The following PLA2G7 variants were observed in gnomAD, a reference collection of about 807,000 sequenced individuals.
The protein encoded by PLA2G7 is platelet-activating factor acetylhydrolase.
Under a neutral mutation model 49.6 loss-of-function variants are expected in PLA2G7, and 63 were observed. The observed-to-expected ratio is 1.27, with a 90% CI of 1.04 to 1.57. The LOEUF is 1.57. PLA2G7 is among the 40% of genes most tolerant of loss of function. PLA2G7 has a pLI of 0.00. For synonymous variants in PLA2G7, 193 were observed against 169.9 expected, an observed-to-expected ratio of 1.14 and a Z score of -1.06; for missense variants, 596 against 521.2, an observed-to-expected ratio of 1.14 and a Z score of -1.40.
chr6:46,710,954 A>G (rs1440803045), intron 7 of PLA2G7, among the ~76,000 whole-genome samples: 2 of 152,134 alleles, frequency 1.3e-5, no homozygotes, highest in African/African-American at 4.8e-5. Flanking sequence ...ATGTGGGTGG[A>G]CTCAAACATA....
intron 11 of PLA2G7, among the ~76,000 whole-genome samples, 174 bp from the exon 12 acceptor site, chr6:46,704,870 GA>G (rs947133727): frequency 5.3e-5 from 8 of 152,174 alleles, no homozygotes; most frequent in African/African-American, 1.9e-4. Flanking sequence ...ATGCAAACGG[GA>G]TAGGAGTGAG....
chr6:46,729,631 G>C (rs1276924929), intron 1 of PLA2G7, among the ~76,000 whole-genome samples: 1 of 152,166 alleles, frequency 6.6e-6, no homozygotes, highest in East Asian at 1.9e-4. Flanking sequence ...ACCAGGATCT[G>C]AACCTAGACC....
chr6:46,712,104 T>A (rs531148643), intron 6 of PLA2G7, among the ~76,000 whole-genome samples, 165 bp downstream of exon 6: 6 of 152,322 alleles, frequency 3.9e-5, no homozygotes, highest in African/African-American at 1.4e-4. Flanking sequence ...TGCTTTTAAG[T>A]CTTTTAAGTC....
At chr6:46,728,904 T>C (rs776527589) in intron 1 of PLA2G7, among the ~76,000 whole-genome samples, 32 of 152,342 alleles carry the variant, frequency 2.1e-4, no homozygotes, top group Non-Finnish European at 4.0e-4. Flanking sequence ...CTGCCAAGGT[T>C]TGAATCTTGA....
intron 2 of PLA2G7, 127 bp from the exon 3 acceptor site, chr6:46,717,223 A>T: frequency 1.2e-6 from 1 of 835,758 alleles, no homozygotes. Context: ...TCAACCTAAC[A>T]AGTAAGATAT....
At chr6:46,722,946 A>G in intron 1 of PLA2G7, 21 bp from the exon 2 acceptor site, 1 of 997,466 alleles carries the variant, frequency 1.0e-6, no homozygotes, top group South Asian at 1.3e-5. Context: ...GATGATTAAA[A>G]GAAAAAAGAA....
intron 3 of PLA2G7, 55 bp downstream of exon 3, chr6:46,716,920 A>G: frequency 6.4e-7 from 1 of 1,571,200 alleles, no homozygotes. Flanking sequence ...CTAGTGGTCC[A>G]TAGCGACAGA....
At chr6:46,725,316 C>T (rs776919322) in intron 1 of PLA2G7, among the ~76,000 whole-genome samples, 83 of 151,584 alleles carry the variant, frequency 5.5e-4, no homozygotes, top group Admixed American at 2.4e-3. Flanking sequence ...ATTGCAACCT[C>T]TGCCTCCTGG....
At chr6:46,734,465 A>ACT (rs1765845641) in intron 1 of PLA2G7, among the ~76,000 whole-genome samples, 1 of 127,734 alleles carries the variant, frequency 7.8e-6, no homozygotes. Flanking sequence ...AGAGAGAGAG[A>ACT]GAGAGAGAGA....
At chr6:46,715,032 G>C (rs975010592) in intron 4 of PLA2G7, among the ~76,000 whole-genome samples, 7 of 152,136 alleles carry the variant, frequency 4.6e-5, no homozygotes, top group African/African-American at 1.7e-4. Context: ...ACCGCACCCG[G>C]CGTAAGTTCT....
intron 5 of PLA2G7, among the ~76,000 whole-genome samples, chr6:46,713,335 T>C (rs1765093913): frequency 6.6e-6 from 1 of 152,224 alleles, no homozygotes; most frequent in South Asian, 2.1e-4. Flanking sequence ...AAACTTTTTC[T>C]GTTGAAGGCC....
At chr6:46,723,287 G>C (rs1234266749) in intron 1 of PLA2G7, among the ~76,000 whole-genome samples, 1 of 152,064 alleles carries the variant, frequency 6.6e-6, no homozygotes, top group Non-Finnish European at 1.5e-5. Context: ...ATATCCATAG[G>C]TATGTCTAGC....
Position 46,712,265 on chromosome 6 carries a change from A to T in PLA2G7, c.539+4T>A. 6.3e-7 allele frequency: 1 copy of T among 1,589,042 alleles called. No homozygotes were observed. The highest frequency in any genetic ancestry group is 1.3e-5 in the African/African-American group (1 of 74,568). On this transcript the variant is annotated splice_donor_region_variant and intron_variant, in intron 6 of 11. Transcript: ENST00000274793. ...AAAGAGCCCAATTATATCAGGTAAC[A>T]TACCTGTGTTCTACAGCAGCAACTA...
chr6:46,711,472 A>T, intron 7 of PLA2G7, 24 bp downstream of exon 7: 1 of 1,612,774 alleles, frequency 6.2e-7, no homozygotes, highest in Non-Finnish European at 8.5e-7. Context: ...GTCACCAACC[A>T]CCTCTCCTTT....
chr6:46,723,518 C>T (rs1278258718), intron 1 of PLA2G7, among the ~76,000 whole-genome samples: 1 of 152,132 alleles, frequency 6.6e-6, no homozygotes, highest in Non-Finnish European at 1.5e-5. Context: ...TGCATAGATG[C>T]TTGTTGAATC....
chr6:46,704,474 TCTCTCACACACA>T lies in PLA2G7; in HGVS notation c.*74_*85del, dbSNP rs753324167. 2,939 of 60,316 alleles carry T rather than the reference TCTCTCACACACA, an allele frequency of 0.049. 6 individuals are homozygous for T. Among genetic ancestry groups the T allele is most frequent in the East Asian group, 0.062 (83 of 1,342 alleles). The allele number at this position is 60,316 out of a possible 1,614,324, so 3.7% of individuals were successfully genotyped here. A position where few individuals can be genotyped will look rare whatever the true frequency, so the allele number is the denominator to read the frequency against. On this transcript the variant is annotated 3_prime_UTR_variant, in exon 12 of 12. Transcript: ENST00000274793. ...CTCTCTCTCTCTCTCTCTCTCTCTCTCTCTCACACACACACACACACACACACACACACACAT... is the reference window on the plus strand; with the variant it reads ...CTCTCTCTCTCTCTCTCTCTCTCTCTCACACACACACACACACACACACAT...
intron 4 of PLA2G7, among the ~76,000 whole-genome samples, chr6:46,715,531 C>T (rs1765174614): frequency 6.6e-6 from 1 of 152,150 alleles, no homozygotes; most frequent in Non-Finnish European, 1.5e-5. Flanking sequence ...GAAATATTGT[C>T]TTCTTTCACT....
chr6:46,708,225 T>A (rs1764897519), intron 9 of PLA2G7, 64 bp from the exon 10 acceptor site: 3 of 1,222,376 alleles, frequency 2.5e-6, no homozygotes, highest in Non-Finnish European at 3.6e-6. Flanking sequence ...ATTGAGGACA[T>A]CCTAATAATG....
chr6:46,714,561 A>G lies in PLA2G7; in HGVS notation c.377-8T>C. The G allele has an allele frequency of 6.6e-7, 1 of 1,524,728 alleles. No homozygotes were observed. The highest frequency in any genetic ancestry group is 1.1e-5 in the South Asian group (1 of 89,310). The allele number at this position is 1,524,728 out of a possible 1,614,324, so 94.4% of individuals were successfully genotyped here. A position where few individuals can be genotyped will look rare whatever the true frequency, so the allele number is the denominator to read the frequency against. On this transcript the variant is annotated splice_polypyrimidine_tract_variant and splice_region_variant and intron_variant, in intron 4 of 11. Transcript: ENST00000274793. Reference sequence around the variant, plus strand: ...CAGGAGTTGTCATTGAACCTAGACAACAATGGAAGGTTATAGTTAAGGTTT... The same window carrying G: ...CAGGAGTTGTCATTGAACCTAGACAGCAATGGAAGGTTATAGTTAAGGTTT...
Sources: gnomAD v4.1 joint callset for allele counts (sites outside exome capture counted in the v4.1 genomes callset) on GRCh38, gnomAD v4.1.1 for gene constraint, MANE v1.5 for transcripts, NCBI Gene and HGNC (gene_info 2026-07-23, HGNC 2026-07-21) for gene names.